CLIC5: variants seen among roughly 807,000 people sequenced by gnomAD.
The protein encoded by CLIC5 is chloride intracellular channel protein 5.
Under a neutral mutation model 24.7 loss-of-function variants are expected in CLIC5, and 20 were observed. The observed-to-expected ratio is 0.81, with a 90% CI of 0.57 to 1.18. The LOEUF (loss-of-function observed/expected upper bound fraction) is 1.18, where lower values mean the gene tolerates loss of function less well. CLIC5 is among the 50% of genes most tolerant of loss of function. CLIC5 has a pLI of 0.00. For synonymous variants in CLIC5, 159 were observed against 135.6 expected (o/e 1.17, Z -1.20); for missense variants, 341 against 326.1 (o/e 1.05, Z -0.35).
chr6:46,088,519 A>G, the CLIC5 span, among the ~76,000 whole-genome samples: 1 of 152,208 alleles, frequency 6.6e-6, no homozygotes, highest in Non-Finnish European at 1.5e-5. Context: ...TATGTTTACT[A>G]TAGAAAAAGA....
intron 1 of CLIC5, among the ~76,000 whole-genome samples, chr6:45,958,443 T>TATAAACACACACACACACACACACAC (rs1554151289): frequency 1.8e-5 from 1 of 55,642 alleles, no homozygotes; most frequent in Admixed American, 2.0e-4. Flanking sequence ...TATATATATA[T>TATAAACACACACACACACACACACAC]ATATATATAT....
At chr6:46,070,230 A>G (rs1762554614) in intron 1 of CLIC5, among the ~76,000 whole-genome samples, 1 of 152,202 alleles carries the variant, frequency 6.6e-6, no homozygotes, top group South Asian at 2.1e-4. Flanking sequence ...CAGAACAATC[A>G]GGTAAGAGAA....
intron 2 of CLIC5, among the ~76,000 whole-genome samples, 163 bp downstream of exon 2, chr6:45,954,972 T>C (rs1165556973): frequency 6.6e-6 from 1 of 152,226 alleles, no homozygotes; most frequent in Non-Finnish European, 1.5e-5. Flanking sequence ...TACTTGCCTT[T>C]GCAGACTCTC....
intron 4 of CLIC5, among the ~76,000 whole-genome samples, chr6:45,919,806 G>A (rs577272710): frequency 4.3e-4 from 66 of 152,254 alleles, no homozygotes; most frequent in African/African-American, 1.5e-3. Context: ...CTGTCTTAGA[G>A]TTCCTTTTAC....
chr6:46,119,501 C>A, the CLIC5 span, among the ~76,000 whole-genome samples: 5 of 152,224 alleles, frequency 3.3e-5, no homozygotes, highest in Non-Finnish European at 7.3e-5. Context: ...CAGCTCCCAG[C>A]GTGAGCGACG....
chr6:45,934,011 A>AGG, intron 4 of CLIC5, among the ~76,000 whole-genome samples: 1 of 152,304 alleles, frequency 6.6e-6, no homozygotes, highest in East Asian at 1.9e-4. Flanking sequence ...AAGAAAATGG[A>AGG]AACCACAGCT....
upstream of CLIC5, chr6:46,015,897 G>A (rs927173540): frequency 4.3e-5 from 44 of 1,023,386 alleles, no homozygotes; most frequent in Non-Finnish European, 4.9e-5. Context: ...AATAGCCGGC[G>A]GCTGCAGGGC....
chr6:46,024,401 G>C (rs1323086430), intron 1 of CLIC5, among the ~76,000 whole-genome samples: 6 of 152,130 alleles, frequency 3.9e-5, no homozygotes, highest in Non-Finnish European at 7.4e-5. Context: ...TCAATTCTAG[G>C]ACTTTTTCTC....
chr6:46,009,381 G>A (rs907388292), intron 1 of CLIC5, among the ~76,000 whole-genome samples: 72 of 152,228 alleles, frequency 4.7e-4, no homozygotes, highest in African/African-American at 1.6e-3. Flanking sequence ...TTGTCATTTA[G>A]CGAACTGGAA....
chr6:46,078,787 GA>G (rs1762843200), intron 1 of CLIC5, among the ~76,000 whole-genome samples: 1 of 152,076 alleles, frequency 6.6e-6, no homozygotes, highest in Non-Finnish European at 1.5e-5. Context: ...TTAGAGAAAA[GA>G]ACAAATTACA....
At chr6:46,125,085 C>A in the CLIC5 span, among the ~76,000 whole-genome samples, 1 of 151,978 alleles carries the variant, frequency 6.6e-6, no homozygotes, top group African/African-American at 2.4e-5. Flanking sequence ...AGGTATATAC[C>A]CAAAGGATTA....
intron 1 of CLIC5, among the ~76,000 whole-genome samples, chr6:45,966,830 C>T (rs553949149): frequency 6.6e-6 from 1 of 152,340 alleles, no homozygotes; most frequent in Admixed American, 6.5e-5. Flanking sequence ...ATCAAGATGT[C>T]TGAAGAACCT....
chr6:45,984,763 T>C (rs1388503376), intron 1 of CLIC5, among the ~76,000 whole-genome samples: 1 of 152,176 alleles, frequency 6.6e-6, no homozygotes, highest in African/African-American at 2.4e-5. Context: ...CAGCCATCCA[T>C]TCAAAATCAC....
At chr6:45,998,926 G>A (rs943113838) in intron 1 of CLIC5, among the ~76,000 whole-genome samples, 2 of 152,170 alleles carry the variant, frequency 1.3e-5, no homozygotes, top group Non-Finnish European at 2.9e-5. Flanking sequence ...ATACTACAAA[G>A]GCATAACTGG....
At chr6:46,075,934 C>G (rs1351157457) in intron 1 of CLIC5, among the ~76,000 whole-genome samples, 1 of 152,202 alleles carries the variant, frequency 6.6e-6, no homozygotes, top group Non-Finnish European at 1.5e-5. Context: ...AATTCTTCAG[C>G]AAAATGCTTG....
intron 1 of CLIC5, among the ~76,000 whole-genome samples, chr6:46,062,925 G>T (rs771025214): frequency 6.2e-4 from 95 of 152,332 alleles, no homozygotes; most frequent in Middle Eastern, 3.4e-3. Context: ...ATTGCACTTA[G>T]GCTGTGTCAG....
chr6:46,056,671 A>G (rs983578812), intron 1 of CLIC5, among the ~76,000 whole-genome samples: 4 of 152,138 alleles, frequency 2.6e-5, no homozygotes, highest in East Asian at 1.9e-4. Flanking sequence ...ACAGAGACCA[A>G]TGTTAATTAT....
At chr6:45,946,768 C>G (rs776718868) in intron 3 of CLIC5, among the ~76,000 whole-genome samples, 5 of 152,204 alleles carry the variant, frequency 3.3e-5, no homozygotes, top group Non-Finnish European at 7.3e-5. Context: ...TGGCACCTGC[C>G]TCAGTCTGAT....
chr6:46,095,275 T>A, the CLIC5 span, among the ~76,000 whole-genome samples: 1 of 152,222 alleles, frequency 6.6e-6, no homozygotes, highest in East Asian at 1.9e-4. Flanking sequence ...ATATTAGCAC[T>A]TGGCTCCTCT....
Sources: gnomAD v4.1 joint callset for allele counts (sites outside exome capture counted in the v4.1 genomes callset) on GRCh38, gnomAD v4.1.1 for gene constraint, MANE v1.5 for transcripts, NCBI Gene and HGNC (gene_info 2026-07-23, HGNC 2026-07-21) for gene names.